MACROD2: variants seen among roughly 807,000 people sequenced by gnomAD.
The protein encoded by MACROD2 is ADP-ribose glycohydrolase MACROD2.
In MACROD2, 36 loss-of-function variants were observed where a neutral mutation model predicts 70.4. That is an observed-to-expected ratio of 0.51 (90% CI 0.39 to 0.68). The LOEUF (loss-of-function observed/expected upper bound fraction) is 0.68, where lower values mean the gene tolerates loss of function less well. Ranked by LOEUF, MACROD2 falls within the 30% of genes least tolerant of loss-of-function variation. The pLI, the probability that MACROD2 is intolerant of heterozygous loss-of-function variation, is 0.00. For synonymous variants in MACROD2, 172 were observed against 178.8 expected (o/e 0.96, Z 0.30); for missense variants, 496 against 538.4 (o/e 0.92, Z 0.78).
chr20:14,758,679 C>G (rs536336928), intron 5 of MACROD2, among the ~76,000 whole-genome samples: 42 of 152,180 alleles, frequency 2.8e-4, no homozygotes, highest in Non-Finnish European at 4.4e-4. Flanking sequence ...GCTGCCATCT[C>G]CTTGTGTGGA....
intron 5 of MACROD2, among the ~76,000 whole-genome samples, chr20:15,133,533 G>A (rs1488017835): frequency 6.6e-6 from 1 of 152,052 alleles, no homozygotes; most frequent in Non-Finnish European, 1.5e-5. Flanking sequence ...TTTCCAGAGT[G>A]GATATATTGA....
intron 3 of MACROD2, among the ~76,000 whole-genome samples, chr20:14,213,837 CT>C (rs1287806843): frequency 3.3e-5 from 5 of 151,954 alleles, no homozygotes; most frequent in Admixed American, 3.3e-4. Flanking sequence ...TTATTTTTTA[CT>C]ATCATTCTTC....
chr20:14,987,860 T>G (rs1394542443), intron 5 of MACROD2, among the ~76,000 whole-genome samples: 1 of 150,242 alleles, frequency 6.7e-6, no homozygotes, highest in Middle Eastern at 3.4e-3. Flanking sequence ...TATATATATA[T>G]ATAAGAAATC....
intron 6 of MACROD2, among the ~76,000 whole-genome samples, chr20:15,342,687 C>T (rs2078123293): frequency 6.6e-6 from 1 of 151,962 alleles, no homozygotes; most frequent in East Asian, 1.9e-4. Flanking sequence ...GACTAAATTA[C>T]TGTAATATAG....
chr20:15,676,298 G>C (rs937431957), intron 8 of MACROD2, among the ~76,000 whole-genome samples: 9 of 152,194 alleles, frequency 5.9e-5, no homozygotes, highest in African/African-American at 1.7e-4. Context: ...AGTGATTTGA[G>C]TCATGCATTT....
chr20:14,245,563 A>G (rs913920791), intron 3 of MACROD2, among the ~76,000 whole-genome samples: 1 of 152,152 alleles, frequency 6.6e-6, no homozygotes, highest in Non-Finnish European at 1.5e-5. Flanking sequence ...AGGAACTCCC[A>G]ATCCATTGCT....
intron 8 of MACROD2, among the ~76,000 whole-genome samples, chr20:15,702,185 A>G (rs765437972): frequency 9.2e-5 from 14 of 152,196 alleles, no homozygotes; most frequent in Non-Finnish European, 2.1e-4. Context: ...CTACCCCGTA[A>G]TGGGATTGCT....
At chr20:16,045,648 A>G (rs370776659) in intron 17 of MACROD2, among the ~76,000 whole-genome samples, 101 of 151,974 alleles carry the variant, frequency 6.6e-4, no homozygotes, top group African/African-American at 2.4e-3. Context: ...TCTTTAACAT[A>G]ATGTTGTTAC....
At chr20:15,942,809 G>T (rs1442070415) in intron 12 of MACROD2, among the ~76,000 whole-genome samples, 1 of 152,110 alleles carries the variant, frequency 6.6e-6, no homozygotes, top group Non-Finnish European at 1.5e-5. Flanking sequence ...GCAGCTTTCT[G>T]GGGGAAAATA....
intron 6 of MACROD2, among the ~76,000 whole-genome samples, chr20:15,362,319 C>CT (rs1044487722): frequency 1.3e-5 from 2 of 151,922 alleles, no homozygotes; most frequent in African/African-American, 4.8e-5. Flanking sequence ...GATCTGTATG[C>CT]TTTTTATTGC....
In MACROD2 at chr20:15,510,897, C is replaced by T. The variant is rs573598391; in HGVS notation, c.645+11050C>T. On this transcript the variant is annotated intron_variant, in intron 8 of 17. Transcript: ENST00000684519. ...CTTCGAAGTCCATGACAGAAAGCCCCAACCTTTTAGTGAGGAGACTATTCA... is the reference window on the plus strand; with the variant it reads ...CTTCGAAGTCCATGACAGAAAGCCCTAACCTTTTAGTGAGGAGACTATTCA... Among the ~76,000 whole-genome samples, 188 of 152,310 alleles carry T rather than the reference C, an allele frequency of 1.2e-3. 4 individuals are homozygous for T. The highest frequency in any genetic ancestry group is 3.4e-3 in the Middle Eastern group (1 of 294).
intron 8 of MACROD2, among the ~76,000 whole-genome samples, chr20:15,714,143 ACAAG>A (rs1026972772): frequency 1.3e-5 from 2 of 152,112 alleles, no homozygotes; most frequent in African/African-American, 4.8e-5. Flanking sequence ...AACCAACCAA[ACAAG>A]CAAACAAAAA....
At chr20:14,919,222 G>A (rs2074131169) in intron 5 of MACROD2, among the ~76,000 whole-genome samples, 1 of 152,126 alleles carries the variant, frequency 6.6e-6, no homozygotes, top group East Asian at 1.9e-4. Context: ...AAAGAGCTTC[G>A]TTTTCTCCTG....
At chr20:15,746,561 G>GAAA (rs1327859863) in intron 8 of MACROD2, among the ~76,000 whole-genome samples, 1 of 65,444 alleles carries the variant, frequency 1.5e-5, no homozygotes, top group African/African-American at 7.2e-5. Flanking sequence ...TTGGTTTCCA[G>GAAA]TAAAAAAAAA....
chr20:15,249,615 A>G (rs1282068882), intron 6 of MACROD2, among the ~76,000 whole-genome samples: 1 of 152,232 alleles, frequency 6.6e-6, no homozygotes, highest in African/African-American at 2.4e-5. Context: ...ATTTGAAAAA[A>G]ATGCAGTTCT....
chr20:15,616,867 G>T (rs2049046279), intron 8 of MACROD2, among the ~76,000 whole-genome samples: 3 of 152,260 alleles, frequency 2.0e-5, no homozygotes, highest in South Asian at 4.2e-4. Flanking sequence ...GTTACACATG[G>T]CTACTAGAGT....
At chr20:15,055,124 A>G (rs576138413) in intron 5 of MACROD2, among the ~76,000 whole-genome samples, 8 of 151,966 alleles carry the variant, frequency 5.3e-5, no homozygotes, top group African/African-American at 1.9e-4. Flanking sequence ...TAATTTTTGT[A>G]TTTTTAGTAG....
chr20:14,823,807 T>G (rs2072873619), intron 5 of MACROD2, among the ~76,000 whole-genome samples: 1 of 152,056 alleles, frequency 6.6e-6, no homozygotes, highest in Non-Finnish European at 1.5e-5. Flanking sequence ...TTTGTTGTTT[T>G]TTCGCTAAGA....
At position 14,087,396 on chromosome 20, in the gene MACROD2, C is replaced by CA. The variant is rs113481382; in HGVS notation, c.271+1682dup. Among the ~76,000 whole-genome samples the CA allele has an allele frequency of 9.2e-3, 1,157 of 125,852 alleles. 3 individuals carry two copies. The highest frequency in any genetic ancestry group is 0.024 in the South Asian group (92 of 3,886). 82.6% of individuals were successfully genotyped at this position (125,852 alleles called of 152,430 possible). On this transcript the variant is annotated intron_variant, in intron 3 of 17. Transcript: ENST00000684519. Reference sequence around the variant, plus strand: ...GGGTGACAGAATTGAGACCATGTCTCAAAAAAAAAAAAAAGGATTGGATGT... The same window carrying CA: ...GGGTGACAGAATTGAGACCATGTCTCAAAAAAAAAAAAAAAGGATTGGATGT...
Sources: gnomAD v4.1 joint callset for allele counts (sites outside exome capture counted in the v4.1 genomes callset) on GRCh38, gnomAD v4.1.1 for gene constraint, MANE v1.5 for transcripts, NCBI Gene and HGNC (gene_info 2026-07-23, HGNC 2026-07-21) for gene names.